Variants in RARB observed in about 807,000 individuals in gnomAD.
The protein encoded by RARB is HBV-activated protein.
A neutral mutation model predicts 51.9 loss-of-function variants in RARB; 17 were observed. The observed-to-expected ratio is 0.33, with a 90% CI of 0.22 to 0.49. RARB has a LOEUF of 0.49. RARB is among the 20% of genes least tolerant of loss of function. The pLI, the probability that RARB is intolerant of heterozygous loss-of-function variation, is 0.99. For synonymous variants in RARB, 215 were observed against 195.4 expected (o/e 1.10, Z -0.84); for missense variants, 369 against 550.8 (o/e 0.67, Z 3.30).
intron 3 of RARB, among the ~76,000 whole-genome samples, chr3:25,098,229 G>C (rs910964730): frequency 2.6e-5 from 4 of 152,054 alleles, no homozygotes; most frequent in Admixed American, 1.3e-4. Flanking sequence ...GGCAGGCAGT[G>C]GAAAGGAGAG....
chr3:25,080,749 C>T (rs949604831), intron 3 of RARB, among the ~76,000 whole-genome samples: 1 of 152,108 alleles, frequency 6.6e-6, no homozygotes, highest in African/African-American at 2.4e-5. Context: ...GCCTATTTTT[C>T]AACTGAGTTG....
At chr3:25,451,853 T>G (rs1317928333) in intron 1 of RARB, among the ~76,000 whole-genome samples, 1 of 152,250 alleles carries the variant, frequency 6.6e-6, no homozygotes, top group Non-Finnish European at 1.5e-5. Context: ...TGTTTTAATC[T>G]ACTCTGTGTG....
At chr3:25,485,749 G>T (rs1266668732) in intron 2 of RARB, among the ~76,000 whole-genome samples, 1 of 152,110 alleles carries the variant, frequency 6.6e-6, no homozygotes, top group Non-Finnish European at 1.5e-5. Context: ...GGAGAAAGCA[G>T]ATGGAAAGGA....
At chr3:24,917,348 A>G (rs1695128057) in intron 2 of RARB, among the ~76,000 whole-genome samples, 1 of 152,262 alleles carries the variant, frequency 6.6e-6, no homozygotes, top group Admixed American at 6.5e-5. Context: ...GTATGTTTCA[A>G]AATACATTAA....
chr3:25,514,642 G>A (rs1163980735), intron 3 of RARB, among the ~76,000 whole-genome samples: 3 of 152,238 alleles, frequency 2.0e-5, no homozygotes, highest in East Asian at 1.9e-4. Flanking sequence ...ACGTCAGTTG[G>A]TCTGACTTCT....
intron 2 of RARB, among the ~76,000 whole-genome samples, chr3:24,967,748 G>T (rs1268676021): frequency 6.6e-6 from 1 of 152,110 alleles, no homozygotes; most frequent in Non-Finnish European, 1.5e-5. Flanking sequence ...TGACCCAAAG[G>T]CATCCCACAC....
At chr3:25,495,505 CAG>C (rs1696978889) in intron 2 of RARB, among the ~76,000 whole-genome samples, 1 of 152,214 alleles carries the variant, frequency 6.6e-6, no homozygotes, top group Non-Finnish European at 1.5e-5. Context: ...CTCAGGGAGA[CAG>C]AAGTAATCTG....
chr3:25,481,402 G>A (rs1301928943), intron 2 of RARB, among the ~76,000 whole-genome samples: 5 of 152,162 alleles, frequency 3.3e-5, no homozygotes, highest in Admixed American at 1.3e-4. Flanking sequence ...TATGTTTTTT[G>A]AATTTTTCTG....
At chr3:25,101,330 A>G (rs1699396740) in intron 3 of RARB, among the ~76,000 whole-genome samples, 1 of 152,226 alleles carries the variant, frequency 6.6e-6, no homozygotes, top group Non-Finnish European at 1.5e-5. Context: ...AAAAAAAGTA[A>G]TAAACATGTA....
chr3:25,174,798 C>A (rs148109994), intron 5 of RARB, among the ~76,000 whole-genome samples: 1 of 152,264 alleles, frequency 6.6e-6, no homozygotes, highest in African/African-American at 2.4e-5. Context: ...TGGTATTTTG[C>A]TCTGTTTCAT....
At chr3:25,467,402 G>T (rs1248560314) in intron 2 of RARB, among the ~76,000 whole-genome samples, 1 of 152,218 alleles carries the variant, frequency 6.6e-6, no homozygotes. Flanking sequence ...GCCTTGGCAG[G>T]ATGACCAGAT....
At chr3:24,912,503 G>A (rs1452858912) in intron 2 of RARB, among the ~76,000 whole-genome samples, 1 of 152,110 alleles carries the variant, frequency 6.6e-6, no homozygotes. Context: ...TTTAGTACGG[G>A]TGGCCCTGTA....
intron 3 of RARB, among the ~76,000 whole-genome samples, chr3:25,081,124 T>G (rs748005390): frequency 1.3e-5 from 2 of 152,166 alleles, no homozygotes; most frequent in Non-Finnish European, 2.9e-5. Context: ...CTTAGCTGCA[T>G]CTCACAAGAT....
chr3:25,335,904 A>G (rs1490270287), intron 5 of RARB, among the ~76,000 whole-genome samples: 1 of 152,224 alleles, frequency 6.6e-6, no homozygotes, highest in African/African-American at 2.4e-5. Flanking sequence ...GTATAGCCAT[A>G]CATAAACTTT....
intron 5 of RARB, among the ~76,000 whole-genome samples, chr3:25,411,813 A>C (rs544121954): frequency 2.0e-5 from 3 of 152,296 alleles, no homozygotes; most frequent in Admixed American, 2.0e-4. Flanking sequence ...TCCAGAGAGA[A>C]AGTCCCAGAC....
intron 5 of RARB, among the ~76,000 whole-genome samples, chr3:25,207,029 G>T: frequency 6.6e-6 from 1 of 152,130 alleles, no homozygotes. Flanking sequence ...TCCTAATAAG[G>T]TAATGATTGA....
intron 1 of RARB, among the ~76,000 whole-genome samples, chr3:25,430,988 C>CTTTTTTTTT (rs11360533): frequency 9.5e-6 from 1 of 105,206 alleles, no homozygotes; most frequent in Admixed American, 9.9e-5. Context: ...AAAACTAAAA[C>CTTTTTTTTT]TTTTTTTTTT....
At chr3:24,866,377 G>A (rs73823003) in intron 2 of RARB, among the ~76,000 whole-genome samples, 1,757 of 152,178 alleles carry the variant, frequency 0.012, 35 homozygotes, top group African/African-American at 0.037. Flanking sequence ...TAGCATAGAA[G>A]CCTCATAAAC....
At position 25,428,443 on chromosome 3, in the gene RARB, T is replaced by TTTACTTTCCGAATAC. The variant is rs1189417350; in HGVS notation, c.-287_-286insACTTTCCGAATACTT. 1.3e-5 allele frequency: 17 copies of TTTACTTTCCGAATAC among 1,266,112 alleles called. No individual in the cohort carries two copies. The highest frequency in any genetic ancestry group is 1.7e-5 in the Non-Finnish European group (17 of 1,007,658). The allele number at this position is 1,266,112 out of a possible 1,614,324, so 78.4% of individuals were successfully genotyped here. On this transcript the variant is annotated 5_prime_UTR_variant, in exon 1 of 8. Coordinates refer to ENST00000330688, the MANE Select transcript of RARB (RefSeq NM_000965.5). ...GGATCCGGAACGCATTCGGAAGGCT[T>TTTACTTTCCGAATAC]TTTGCAAGCATTTACTTGGAAGGAG...
Sources: gnomAD v4.1 joint callset for allele counts (sites outside exome capture counted in the v4.1 genomes callset) on GRCh38, gnomAD v4.1.1 for gene constraint, MANE v1.5 for transcripts, NCBI Gene and HGNC (gene_info 2026-07-23, HGNC 2026-07-21) for gene names.